Variants in PPP1R21 observed in about 807,000 individuals in gnomAD.
The protein encoded by PPP1R21 is protein phosphatase 1 regulatory subunit 21, also known as KLRAQ motif containing 1.
Under a neutral mutation model 112.8 loss-of-function variants are expected in PPP1R21, and 85 were observed. The ratio of observed to expected loss-of-function variants is 0.75; its 90% CI spans 0.63 to 0.90. The LOEUF (loss-of-function observed/expected upper bound fraction) is 0.90. PPP1R21 is among the 40% of genes least tolerant of loss of function. The pLI, the probability that PPP1R21 is intolerant of heterozygous loss-of-function variation, is 0.00. For synonymous variants in PPP1R21, 381 were observed against 322.3 expected (o/e 1.18, Z -1.95); for missense variants, 1,199 against 901.5 (o/e 1.33, Z -4.23).
In PPP1R21 at chr2:48,454,668, T is replaced by C. The variant is rs747950838; in HGVS notation, c.200T>C (p.Leu67Pro). 5 of 1,614,050 alleles carry C rather than the reference T, an allele frequency of 3.1e-6. No homozygotes were observed. The South Asian group carries it at 5.5e-5, about 18-fold the overall frequency. ...QEMDSLTFRN[L>P]QLAKRVELLQ... ...ATGGACAGTTTGACATTTCGAAATCTGCAGCTTGCCAAGAGGGTAGAACTA... is the reference window on the plus strand; with the variant it reads ...ATGGACAGTTTGACATTTCGAAATCCGCAGCTTGCCAAGAGGGTAGAACTA... The change falls in exon 3 of 22, where the codon CTG (leucine) becomes CCG (proline). Residue 67 changes from leucine (L) to proline (P), a missense_variant. Leu to Pro is a moderately conservative substitution (Grantham distance 98). Coordinates refer to ENST00000294952, the MANE Select transcript of PPP1R21 (RefSeq NM_001135629.3).
At chr2:48,490,950 C>A in intron 14 of PPP1R21, 68 bp from the exon 15 acceptor site, 1 of 1,376,286 alleles carries the variant, frequency 7.3e-7, no homozygotes, top group Non-Finnish European at 1.0e-6. Flanking sequence ...GCTGCAAAAA[C>A]TATTAGATAT....
chr2:48,460,990 C>T, intron 6 of PPP1R21, 148 bp from the exon 7 acceptor site: 7 of 1,330,700 alleles, frequency 5.3e-6, no homozygotes, highest in Non-Finnish European at 6.8e-6. Flanking sequence ...TTGTTATCTT[C>T]CTCTTTTAAC....
chr2:48,472,468 A>G (rs553840489), intron 11 of PPP1R21, among the ~76,000 whole-genome samples: 1 of 150,630 alleles, frequency 6.6e-6, no homozygotes, highest in South Asian at 2.1e-4. Flanking sequence ...TCTACTAAAA[A>G]TACAAAAATT....
At chr2:48,450,970 T>G in intron 1 of PPP1R21, 38 bp from the exon 2 acceptor site, 1 of 1,561,702 alleles carries the variant, frequency 6.4e-7, no homozygotes, top group Non-Finnish European at 8.8e-7. Context: ...ACCAATTGCT[T>G]TATATTAGAA....
chr2:48,496,406 C>G (rs1192745543), intron 16 of PPP1R21, among the ~76,000 whole-genome samples: 1 of 151,932 alleles, frequency 6.6e-6, no homozygotes, highest in East Asian at 1.9e-4. Context: ...GCCCCATACC[C>G]TAGAGGGAGA....
Position 48,440,839 on chromosome 2 carries a change from G to T in PPP1R21, c.-115G>T. On this transcript the variant is annotated 5_prime_UTR_variant, in exon 1 of 22. Coordinates refer to ENST00000294952, the MANE Select transcript of PPP1R21 (RefSeq NM_001135629.3). ...CGGCGGCGGCGGCGGCGGCGGCTGC[G>T]GTGGCCAAGCAGGCAGATACTGCCT... 1.4e-6 allele frequency: 1 copy of T among 727,048 alleles called. No individual in the cohort carries two copies. Among genetic ancestry groups the T allele is most frequent in the Non-Finnish European group, 2.3e-6 (1 of 439,284 alleles). 45.0% of individuals were successfully genotyped at this position (727,048 alleles called of 1,614,324 possible). A position where few individuals can be genotyped will look rare whatever the true frequency, so the allele number is the denominator to read the frequency against.
intron 12 of PPP1R21, 136 bp from the exon 13 acceptor site, chr2:48,479,788 C>G (rs1162196266): frequency 1.5e-6 from 1 of 663,450 alleles, no homozygotes; most frequent in East Asian, 2.7e-5. Context: ...CTGAATGTAT[C>G]TGCCACGATT....
At chr2:48,502,594 A>G (rs1670169162) in intron 17 of PPP1R21, among the ~76,000 whole-genome samples, 1 of 152,054 alleles carries the variant, frequency 6.6e-6, no homozygotes, top group African/African-American at 2.4e-5. Flanking sequence ...TAATTGATTA[A>G]CAAAGGAAGC....
intron 1 of PPP1R21, 39 bp from the exon 2 acceptor site, chr2:48,450,969 T>G: frequency 6.4e-7 from 1 of 1,565,286 alleles, no homozygotes; most frequent in Non-Finnish European, 8.8e-7. Flanking sequence ...AACCAATTGC[T>G]TTATATTAGA....
intron 1 of PPP1R21, among the ~76,000 whole-genome samples, chr2:48,446,683 T>TA (rs1667262452): frequency 6.6e-6 from 1 of 152,158 alleles, no homozygotes; most frequent in South Asian, 2.1e-4. Flanking sequence ...AGGCAGGAAA[T>TA]ACAAGGAAGT....
At chr2:48,489,880 C>G (rs930853181) in intron 14 of PPP1R21, among the ~76,000 whole-genome samples, 1 of 151,974 alleles carries the variant, frequency 6.6e-6, no homozygotes, top group South Asian at 2.1e-4. Flanking sequence ...CCCGTCTCTA[C>G]TAAAAGTACA....
At chr2:48,450,539 C>T (rs1295315702) in intron 1 of PPP1R21, among the ~76,000 whole-genome samples, 1 of 152,158 alleles carries the variant, frequency 6.6e-6, no homozygotes, top group Non-Finnish European at 1.5e-5. Flanking sequence ...GGCACAGTGT[C>T]CTACTGGGAT....
chr2:48,514,794 C>G lies in PPP1R21; in HGVS notation c.*50C>G. ...GTTCTTTCCAGACCTGCTCCTGCTG[C>G]ACAGAGCCGCAGGGCTGAGACCACG... On this transcript the variant is annotated 3_prime_UTR_variant, in exon 22 of 22. Transcript: ENST00000294952. 1 of 1,604,506 alleles carries G rather than the reference C, an allele frequency of 6.2e-7. No homozygotes were observed. The highest frequency in any genetic ancestry group is 8.5e-7 in the Non-Finnish European group (1 of 1,172,574).
intron 18 of PPP1R21, among the ~76,000 whole-genome samples, chr2:48,506,549 A>AT (rs1670387363): frequency 6.6e-6 from 1 of 152,210 alleles, no homozygotes; most frequent in Admixed American, 6.5e-5. Flanking sequence ...TTCTGCGTGT[A>AT]TTTTTAAACT....
rs373301972 is a variant in PPP1R21, at chr2:48,461,141, A to G, written c.603A>G (p.Gln201=). Reference sequence around the variant, plus strand: ...TGTATTTTTTTTTTTTTTGCAGTCAATTACAGTTAAAGACTCTTCATGAAG... The same window carrying G: ...TGTATTTTTTTTTTTTTTGCAGTCAGTTACAGTTAAAGACTCTTCATGAAG... The part of the protein sequence containing the change: ...KECRLRTEEC[Q]LQLKTLHEDL... The change falls in exon 7 of 22, where the codon CAA becomes CAG. Residue 201 remains glutamine, a synonymous_variant. Coordinates refer to ENST00000294952, the MANE Select transcript of PPP1R21 (RefSeq NM_001135629.3). 16 of 1,572,854 alleles carry G rather than the reference A, an allele frequency of 1.0e-5. No homozygotes were observed. Among genetic ancestry groups the G allele is most frequent in the African/African-American group, 7.0e-5 (5 of 71,496 alleles).
Position 48,507,250 on chromosome 2 carries a change from G to C in PPP1R21, c.1969-19G>C. On this transcript the variant is annotated intron_variant, in intron 18 of 21. Transcript: ENST00000294952. ...CTCACTGGTACTTGTTTATTTATGT[G>C]TATTTGTGTTCTATTTAGGTTCCAG... 2 of 1,454,316 alleles carry C rather than the reference G, an allele frequency of 1.4e-6. No individual in the cohort carries two copies. Among genetic ancestry groups the C allele is most frequent in the Non-Finnish European group, 1.8e-6 (2 of 1,103,178 alleles). 90.1% of individuals were successfully genotyped at this position (1,454,316 alleles called of 1,614,324 possible). A position where few individuals can be genotyped will look rare whatever the true frequency, so the allele number is the denominator to read the frequency against.
intron 6 of PPP1R21, among the ~76,000 whole-genome samples, chr2:48,460,929 C>A (rs1261324244): frequency 6.6e-6 from 1 of 152,178 alleles, no homozygotes; most frequent in Non-Finnish European, 1.5e-5. Context: ...CTCCAAACTT[C>A]CACATCATTC....
At chr2:48,484,092 C>T (rs1005506562) in intron 13 of PPP1R21, among the ~76,000 whole-genome samples, 1 of 152,166 alleles carries the variant, frequency 6.6e-6, no homozygotes, top group Non-Finnish European at 1.5e-5. Context: ...CTGTAGCCAC[C>T]CACACATTCC....
At chr2:48,454,364 T>A (rs984349083) in intron 2 of PPP1R21, among the ~76,000 whole-genome samples, 49 of 152,338 alleles carry the variant, frequency 3.2e-4, no homozygotes, top group African/African-American at 1.2e-3. Flanking sequence ...TTGATCACGA[T>A]CTGTTACTTT....
Sources: allele counts gnomAD v4.1 joint callset (sites outside exome capture counted in the v4.1 genomes callset), GRCh38; gene constraint gnomAD v4.1.1; transcripts MANE v1.5; gene names NCBI Gene and HGNC (gene_info 2026-07-23, HGNC 2026-07-21).